Variants in GSDMA observed in about 807,000 individuals in gnomAD.
GSDMA encodes the protein gasdermin A, also known as gasdermin-A.
Under a neutral mutation model 54.3 loss-of-function variants are expected in GSDMA, and 55 were observed. The ratio of observed to expected loss-of-function variants is 1.01; its 90% CI spans 0.82 to 1.27. GSDMA has a LOEUF of 1.27. Among genes scored for constraint, GSDMA ranks in the 50% most tolerant of loss-of-function variants. GSDMA has a pLI of 0.00. For missense variants in GSDMA, 542 were observed against 542.6 expected (o/e 1.00, Z 0.01); for synonymous variants, 211 against 224.7 (o/e 0.94, Z 0.54).
At position 39,974,436 on chromosome 17, in the gene GSDMA, C is replaced by G. The variant is rs1980109231; in HGVS notation, c.906+9C>G. The G allele has an allele frequency of 6.4e-7, 1 of 1,565,362 alleles. No homozygotes were observed. Among genetic ancestry groups the G allele is most frequent in the African/African-American group, 1.4e-5 (1 of 73,184 alleles). ...AAGACCTTGAGCTCGCAGTGAGGACCTAGTGGAAGTGGGGAAGGGTGGGAG... is the reference window on the plus strand; with the variant it reads ...AAGACCTTGAGCTCGCAGTGAGGACGTAGTGGAAGTGGGGAAGGGTGGGAG... On this transcript the variant is annotated intron_variant, in intron 9 of 11. Coordinates refer to ENST00000301659, the MANE Select transcript of GSDMA (RefSeq NM_178171.5).
chr17:39,971,884 CTG>C (rs1979965562), intron 5 of GSDMA, among the ~76,000 whole-genome samples: 1 of 152,008 alleles, frequency 6.6e-6, no homozygotes, highest in Admixed American at 6.6e-5. Context: ...CTCAAGAAGT[CTG>C]TGGCCAAAGG....
At position 39,966,248 on chromosome 17, in the gene GSDMA, T is replaced by C; in HGVS notation, c.215-12T>C. ...AGCCAGCCCAGCCCCTTTTGTCTTT[T>C]CCCTCCTGCAGACCCAACAGACACT... On this transcript the variant is annotated splice_polypyrimidine_tract_variant and intron_variant, in intron 2 of 11. Transcript: ENST00000301659. 6.2e-7 allele frequency: 1 copy of C among 1,613,646 alleles called. No homozygotes were observed. The highest frequency in any genetic ancestry group is 8.5e-7 in the Non-Finnish European group (1 of 1,179,762).
chr17:39,972,594 A>G lies in GSDMA; in HGVS notation c.711A>G (p.Ser237=), dbSNP rs1258099528. The G allele has an allele frequency of 1.2e-6, 2 of 1,613,030 alleles. No individual in the cohort carries two copies. The highest frequency in any genetic ancestry group is 2.2e-5 in the East Asian group (1 of 44,888). ...CATTTTTTCTGTCTTCAGAAAAGTCAGGAGAGGAGAAGGTCATCCGTAAGT... is the reference window on the plus strand; with the variant it reads ...CATTTTTTCTGTCTTCAGAAAAGTCGGGAGAGGAGAAGGTCATCCGTAAGT... ...NMQTFPPGEK[S]GEEKVILIQA... The change falls in exon 7 of 12, where the codon TCA becomes TCG. Residue 237 remains serine (S), a synonymous_variant. Coordinates refer to ENST00000301659, the MANE Select transcript of GSDMA (RefSeq NM_178171.5).
intron 3 of GSDMA, among the ~76,000 whole-genome samples, chr17:39,968,613 G>A (rs1979788150): frequency 1.3e-5 from 2 of 152,106 alleles, no homozygotes; most frequent in South Asian, 4.1e-4. Flanking sequence ...CTCCCAAAGT[G>A]CTGGGATTAC....
chr17:39,969,727 A>T (rs796434491), intron 3 of GSDMA, among the ~76,000 whole-genome samples: 1 of 152,062 alleles, frequency 6.6e-6, no homozygotes, highest in South Asian at 2.1e-4. Flanking sequence ...GGTGGCTCAC[A>T]TCTGTAATCC....
Position 39,974,882 on chromosome 17 carries a change from GC to G in GSDMA, c.907-15del. On this transcript the variant is annotated splice_polypyrimidine_tract_variant and intron_variant, in intron 9 of 11. Coordinates refer to ENST00000301659, the MANE Select transcript of GSDMA (RefSeq NM_178171.5). ...CTTTCCTATGTTATCTTCAATAGTCGCCCACCTTCCCCCACAGCTTGAAGGG... is the reference window on the plus strand; with the variant it reads ...CTTTCCTATGTTATCTTCAATAGTCGCCACCTTCCCCCACAGCTTGAAGGG... 6.8e-7 allele frequency: 1 copy of G among 1,461,526 alleles called. No individual in the cohort carries two copies. 90.5% of individuals were successfully genotyped at this position (1,461,526 alleles called of 1,614,324 possible). A position where few individuals can be genotyped will look rare whatever the true frequency, so the allele number is the denominator to read the frequency against.
chr17:39,973,767 G>A, intron 7 of GSDMA, 43 bp from the exon 8 acceptor site: 1 of 1,569,942 alleles, frequency 6.4e-7, no homozygotes, highest in Non-Finnish European at 8.7e-7. Context: ...CTGCCATTCT[G>A]AAGGATTGCA....
At position 39,974,920 on chromosome 17, in the gene GSDMA, G is replaced by C. The variant is rs776190104; in HGVS notation, c.927G>C (p.Lys309Asn). ...CACAGCTTGAAGGGGCTCTAGACAA[G>C]GGACATGAAGTGACCCTGGAGGCAC... is the stretch of plus-strand genomic sequence containing the variant. The part of the protein sequence containing the change: ...LELALEGALD[K>N]GHEVTLEALP... Residue 309 changes from lysine (K) to asparagine (N), a missense_variant, in exon 10 of 12, where the codon AAG becomes AAC. By Grantham distance (94) the Lys-to-Asn change is moderately conservative (BLOSUM62 0). Coordinates refer to ENST00000301659, the MANE Select transcript of GSDMA (RefSeq NM_178171.5). The C allele has an allele frequency of 6.2e-7, 1 of 1,608,964 alleles. No individual in the cohort carries two copies. Among genetic ancestry groups the C allele is most frequent in the Non-Finnish European group, 8.5e-7 (1 of 1,176,872 alleles).
chr17:39,970,485 G>A lies in GSDMA; in HGVS notation c.396G>A (p.Lys132=), dbSNP rs759648439. ...CCTTATGTTTCTCCTGCAACAGGAAGCTGGCAGCAGACCACCCATTCCTGA... is the reference window on the plus strand; with the variant it reads ...CCTTATGTTTCTCCTGCAACAGGAAACTGGCAGCAGACCACCCATTCCTGA... The part of the protein sequence containing the change: ...PKALETVQER[K]LAADHPFLKE... Residue 132 remains lysine (K), a synonymous_variant, in exon 4 of 12, where the codon AAG becomes AAA. Coordinates refer to ENST00000301659, the MANE Select transcript of GSDMA (RefSeq NM_178171.5). The A allele has an allele frequency of 1.9e-6, 3 of 1,575,092 alleles. No individual in the cohort carries two copies. The highest frequency in any genetic ancestry group is 1.7e-4 in the Middle Eastern group (1 of 5,904).
chr17:39,970,457 T>G (rs1979879309), intron 3 of GSDMA, 25 bp from the exon 4 acceptor site: 4 of 1,547,050 alleles, frequency 2.6e-6, no homozygotes, highest in Non-Finnish European at 2.6e-6. Flanking sequence ...CTCTGAACGG[T>G]TCCCTTATGT....
intron 7 of GSDMA, 87 bp downstream of exon 7, chr17:39,972,700 C>A: frequency 8.8e-7 from 1 of 1,138,348 alleles, no homozygotes; most frequent in Non-Finnish European, 1.3e-6. Context: ...ACAGGACTGA[C>A]AGGGAAATAG....
chr17:39,972,248 C>T, intron 6 of GSDMA, 72 bp downstream of exon 6: 1 of 1,041,904 alleles, frequency 9.6e-7, no homozygotes, highest in Non-Finnish European at 1.5e-6. Context: ...AAATCCTCCA[C>T]CCTCTCCTAG....
intron 11 of GSDMA, 89 bp downstream of exon 11, chr17:39,976,086 T>C: frequency 1.1e-6 from 1 of 882,040 alleles, no homozygotes; most frequent in Non-Finnish European, 1.8e-6. Flanking sequence ...GGAGCCATTC[T>C]GGAGGATCCC....
chr17:39,972,100 T>TGGCCCCCCC, intron 5 of GSDMA, 29 bp from the exon 6 acceptor site: 3 of 835,066 alleles, frequency 3.6e-6, no homozygotes, highest in Non-Finnish European at 4.1e-6. Context: ...CTAAGTGTCC[T>TGGCCCCCCC]CCCACCCTCC....
At chr17:39,971,424 A>G in intron 4 of GSDMA, 100 bp from the exon 5 acceptor site, 1 of 807,610 alleles carries the variant, frequency 1.2e-6, no homozygotes, top group East Asian at 2.6e-5. Context: ...ATCTCCCTGA[A>G]GGCTCTCAGC....
chr17:39,965,919 C>T lies in GSDMA; in HGVS notation c.214+18C>T. ...ACCTTCAGGTCAGCCTCAAGCGGGG[C>T]TGGGAACTGAGGGATACTGAGGGAC... On this transcript the variant is annotated intron_variant, in intron 2 of 11. Coordinates refer to ENST00000301659, the MANE Select transcript of GSDMA (RefSeq NM_178171.5). The T allele has an allele frequency of 6.5e-7, 1 of 1,548,326 alleles. No individual in the cohort carries two copies.
rs934393959 is a variant in GSDMA at position 39,975,962 on chromosome 17, A to G, written c.1060A>G (p.Met354Val). 1.0e-5 allele frequency: 16 copies of G among 1,600,732 alleles called. No homozygotes were observed. The highest frequency in any genetic ancestry group is 1.4e-5 in the Non-Finnish European group (16 of 1,173,524). ...CCAACAGAAGCTGCTGGTGAAATCC[A>G]TGGAGAAAAAGATCCTACCCGTGCA... ...EAQQKLLVKSMEKKILPVQLK... is the reference protein window; with the variant it reads ...EAQQKLLVKSVEKKILPVQLK... The change falls in exon 11 of 12, where the codon ATG (methionine) becomes GTG (valine). Residue 354 changes from methionine to valine, a missense_variant. Physicochemically the swap from Met to Val is conservative, Grantham distance 21. Coordinates refer to ENST00000301659, the MANE Select transcript of GSDMA (RefSeq NM_178171.5).
intron 1 of GSDMA, 22 bp from the exon 2 acceptor site, chr17:39,965,661 T>C: frequency 6.4e-7 from 1 of 1,566,462 alleles, no homozygotes; most frequent in Non-Finnish European, 8.7e-7. Flanking sequence ...CTTGACACTC[T>C]CCTGTCTCCC....
intron 7 of GSDMA, among the ~76,000 whole-genome samples, chr17:39,972,918 C>T (rs1470398216): frequency 2.0e-5 from 3 of 152,056 alleles, no homozygotes; most frequent in African/African-American, 7.2e-5. Flanking sequence ...ATCCCTTGAG[C>T]TCAGGAGTTC....
Sources: gnomAD v4.1 joint callset for allele counts (sites outside exome capture counted in the v4.1 genomes callset) on GRCh38, gnomAD v4.1.1 for gene constraint, MANE v1.5 for transcripts, NCBI Gene and HGNC (gene_info 2026-07-23, HGNC 2026-07-21) for gene names.